Variants in NFIL3 observed in about 807,000 individuals in gnomAD.
The protein encoded by NFIL3 is nuclear factor interleukin-3-regulated protein.
Under a neutral mutation model 10.0 loss-of-function variants are expected in NFIL3, and 5 were observed. That is an observed-to-expected ratio of 0.50 (90% CI 0.26 to 1.06). The LOEUF is 1.06. Ranked by LOEUF, NFIL3 falls within the 50% of genes least tolerant of loss-of-function variation. The pLI is 0.13. For synonymous variants in NFIL3, 202 were observed against 206.5 expected (o/e 0.98, Z 0.19); for missense variants, 436 against 547.6 (o/e 0.80, Z 2.03).
the NFIL3 span, among the ~76,000 whole-genome samples, chr9:91,438,568 A>G: frequency 5.3e-5 from 8 of 152,040 alleles, no homozygotes; most frequent in South Asian, 1.0e-3. Flanking sequence ...TAATTAGGGG[A>G]AAAAAATCAT....
chr9:91,468,155 A>G, the NFIL3 span, among the ~76,000 whole-genome samples: 19 of 152,230 alleles, frequency 1.2e-4, no homozygotes, highest in Non-Finnish European at 2.8e-4. Flanking sequence ...TCCCACCAAC[A>G]GTGTAAAAGA....
At chr9:91,464,209 G>A in the NFIL3 span, among the ~76,000 whole-genome samples, 2 of 150,880 alleles carry the variant, frequency 1.3e-5, no homozygotes, top group African/African-American at 4.9e-5. Flanking sequence ...TTTTTTCTTT[G>A]TTTCTCACCT....
chr9:91,462,486 T>G, the NFIL3 span, among the ~76,000 whole-genome samples: 1 of 152,158 alleles, frequency 6.6e-6, no homozygotes, highest in Non-Finnish European at 1.5e-5. Flanking sequence ...GTTGATATGA[T>G]GTATTACATT....
the NFIL3 span, among the ~76,000 whole-genome samples, chr9:91,431,178 T>C: frequency 4.2e-4 from 64 of 152,316 alleles, no homozygotes; most frequent in African/African-American, 1.5e-3. Context: ...ATTCAGGCAG[T>C]ACGTTATTCA....
At chr9:91,429,997 A>G in the NFIL3 span, among the ~76,000 whole-genome samples, 1 of 152,036 alleles carries the variant, frequency 6.6e-6, no homozygotes, top group Admixed American at 6.5e-5. Flanking sequence ...ATCAATCTCA[A>G]CTTGTTCTGA....
the NFIL3 span, among the ~76,000 whole-genome samples, chr9:91,474,894 C>G: frequency 2.6e-5 from 4 of 152,294 alleles, no homozygotes; most frequent in African/African-American, 9.6e-5. Context: ...TAGTCAGCCC[C>G]TCATGTAGAC....
the NFIL3 span, among the ~76,000 whole-genome samples, chr9:91,437,450 A>G: frequency 6.6e-6 from 1 of 152,372 alleles, no homozygotes; most frequent in African/African-American, 2.4e-5. Flanking sequence ...AATGGTCACT[A>G]TAAAGAAGCA....
At chr9:91,421,460 G>A (rs899744174) in intron 1 of NFIL3, among the ~76,000 whole-genome samples, 3 of 152,164 alleles carry the variant, frequency 2.0e-5, no homozygotes, top group African/African-American at 7.2e-5. Context: ...GAGGGGGCAG[G>A]GAGGAGCTCA....
the NFIL3 span, among the ~76,000 whole-genome samples, chr9:91,481,176 A>G: frequency 6.6e-6 from 1 of 152,222 alleles, no homozygotes; most frequent in African/African-American, 2.4e-5. Context: ...AAGGGATAAT[A>G]CATTTTGTGT....
At chr9:91,452,840 G>T in the NFIL3 span, among the ~76,000 whole-genome samples, 1 of 149,124 alleles carries the variant, frequency 6.7e-6, no homozygotes, top group South Asian at 2.1e-4. Flanking sequence ...TTGGGCACAT[G>T]TTGTCAGGAC....
the NFIL3 span, among the ~76,000 whole-genome samples, chr9:91,454,276 G>A: frequency 6.6e-6 from 1 of 150,650 alleles, no homozygotes; most frequent in Non-Finnish European, 1.5e-5. Flanking sequence ...AATTACCCAT[G>A]ATTTGTGTTC....
chr9:91,410,052 T>A lies in NFIL3; in HGVS notation c.683A>T (p.Tyr228Phe), dbSNP rs1230201560. 2 of 1,613,084 alleles carry A rather than the reference T, an allele frequency of 1.2e-6. No homozygotes were observed. The highest frequency in any genetic ancestry group is 1.7e-6 in the Non-Finnish European group (2 of 1,179,992). ...IKQEPMELESYTREPRDDRGS... is the reference protein window; with the variant it reads ...IKQEPMELESFTREPRDDRGS... ...TCGGTCATCTCTTGGCTCCCTTGTGTAGCTCTCTAATTCCATCGGCTCTTG... is the reference window on the plus strand; with the variant it reads ...TCGGTCATCTCTTGGCTCCCTTGTGAAGCTCTCTAATTCCATCGGCTCTTG... The change falls in exon 2 of 2, where the codon TAC becomes TTC. Residue 228 changes from tyrosine (Y) to phenylalanine (F), a missense_variant. Around this residue, in one of 3 missense-constraint regions of NFIL3, gnomAD observed 338 missense variants for 399.9 expected, o/e 0.85. Transcript: ENST00000297689. The surrounding 1 kb of genome is among the most constrained non-coding windows in gnomAD (Gnocchi z 5.7).
the NFIL3 span, among the ~76,000 whole-genome samples, chr9:91,459,277 G>A: frequency 6.6e-6 from 1 of 152,126 alleles, no homozygotes; most frequent in Non-Finnish European, 1.5e-5. Flanking sequence ...AAAAGGAAAG[G>A]GATGTGCTCA....
At chr9:91,450,898 T>C in the NFIL3 span, among the ~76,000 whole-genome samples, 7 of 152,264 alleles carry the variant, frequency 4.6e-5, 1 homozygote, top group South Asian at 2.1e-4. Flanking sequence ...GGCTACCAAA[T>C]TTTTTTCTGT....
the NFIL3 span, among the ~76,000 whole-genome samples, chr9:91,468,297 G>C: frequency 6.6e-6 from 1 of 152,184 alleles, no homozygotes; most frequent in Non-Finnish European, 1.5e-5. Flanking sequence ...GTGATGATGA[G>C]CATTTTTTCA....
chr9:91,433,837 A>C, the NFIL3 span, among the ~76,000 whole-genome samples: 5 of 152,046 alleles, frequency 3.3e-5, no homozygotes, highest in Non-Finnish European at 7.4e-5. Flanking sequence ...TAGTTGAAAA[A>C]TATTATATTT....
chr9:91,470,988 T>C, the NFIL3 span, among the ~76,000 whole-genome samples: 1 of 152,216 alleles, frequency 6.6e-6, no homozygotes, highest in South Asian at 2.1e-4. Context: ...GAGAAGAATG[T>C]ATATACTGTT....
At chr9:91,411,708 TCAAA>T (rs1378236517) in intron 1 of NFIL3, among the ~76,000 whole-genome samples, 1 of 152,232 alleles carries the variant, frequency 6.6e-6, no homozygotes, top group Non-Finnish European at 1.5e-5. Context: ...ATTTGTTCTA[TCAAA>T]CATTCAAGAT....
chr9:91,427,799 C>T (rs1833886939), upstream of NFIL3, among the ~76,000 whole-genome samples: 1 of 152,024 alleles, frequency 6.6e-6, no homozygotes, highest in South Asian at 2.1e-4. Context: ...CACTACCATG[C>T]CTGGCTAATT....
Sources: gnomAD v4.1 joint callset for allele counts (sites outside exome capture counted in the v4.1 genomes callset) on GRCh38, gnomAD v4.1.1 for gene constraint, gnomAD v4.1.1 regional missense constraint, Gnocchi (gnomAD v3.1) non-coding constraint, MANE v1.5 for transcripts, NCBI Gene and HGNC (gene_info 2026-07-23, HGNC 2026-07-21) for gene names.